KCTD15: variants seen among roughly 807,000 people sequenced by gnomAD.
KCTD15 encodes potassium channel tetramerization domain containing 15.
In KCTD15, 11 loss-of-function variants were observed where a neutral mutation model predicts 27.2. The ratio of observed to expected loss-of-function variants is 0.41; its 90% CI spans 0.25 to 0.67. The LOEUF is 0.67. KCTD15 is among the 30% of genes least tolerant of loss of function. The probability of loss-of-function intolerance (pLI) is 0.35; values close to 1 mark genes in which losing one functional copy is unlikely to be tolerated. For synonymous variants in KCTD15, 163 were observed against 176.0 expected, an observed-to-expected ratio of 0.93 and a Z score of 0.58; for missense variants, 350 against 409.3, an observed-to-expected ratio of 0.86 and a Z score of 1.25.
chr19:33,800,062 C>T (rs1177633822), intron 2 of KCTD15, among the ~76,000 whole-genome samples: 2 of 152,134 alleles, frequency 1.3e-5, no homozygotes, highest in Admixed American at 6.5e-5. Flanking sequence ...GGTAACATGG[C>T]TTGAAAGGAA....
chr19:33,813,486 G>A lies in KCTD15; in HGVS notation c.*538G>A, dbSNP rs981374214. ...AGCATGGCTGCAGGGTGGACCAGCTGCCTGGCATTCAGGCCCAGATGCCTG... is the reference window on the plus strand; with the variant it reads ...AGCATGGCTGCAGGGTGGACCAGCTACCTGGCATTCAGGCCCAGATGCCTG... On this transcript the variant is annotated 3_prime_UTR_variant, in exon 7 of 7. Coordinates refer to ENST00000683859, the MANE Select transcript of KCTD15 (RefSeq NM_001129994.2). The A allele has an allele frequency of 8.2e-5, 36 of 437,120 alleles. 2 individuals are homozygous for A. Among genetic ancestry groups the A allele is most frequent in the South Asian group, 5.9e-4 (36 of 60,764 alleles). 27.1% of individuals were successfully genotyped at this position (437,120 alleles called of 1,614,324 possible). A position where few individuals can be genotyped will look rare whatever the true frequency, so the allele number is the denominator to read the frequency against.
At chr19:33,800,803 T>C (rs1184907069) in intron 3 of KCTD15, among the ~76,000 whole-genome samples, 1 of 152,166 alleles carries the variant, frequency 6.6e-6, no homozygotes, top group Non-Finnish European at 1.5e-5. Flanking sequence ...ATTCACAAAT[T>C]GGTGATTCGT....
chr19:33,813,239 C>T lies in KCTD15; in HGVS notation c.*291C>T, dbSNP rs997723645. ...CCTGGCGCAGCATCCTCTGAGGCCC[C>T]GGGGCCTGTTGGGGCGGGGTTGGAA... On this transcript the variant is annotated 3_prime_UTR_variant, in exon 7 of 7. Coordinates refer to ENST00000683859, the MANE Select transcript of KCTD15 (RefSeq NM_001129994.2). The T allele has an allele frequency of 2.9e-5, 18 of 627,490 alleles. No homozygotes were observed. Among genetic ancestry groups the T allele is most frequent in the Middle Eastern group, 5.0e-4 (2 of 4,008 alleles). 38.9% of individuals were successfully genotyped at this position (627,490 alleles called of 1,614,324 possible).
At chr19:33,799,387 G>A (rs567671699) in intron 2 of KCTD15, among the ~76,000 whole-genome samples, 4 of 152,312 alleles carry the variant, frequency 2.6e-5, no homozygotes, top group East Asian at 3.9e-4. Flanking sequence ...TTAAACCTTC[G>A]AGAGACGTCC....
chr19:33,806,398 T>A (rs1020038206), intron 4 of KCTD15, among the ~76,000 whole-genome samples: 12 of 152,056 alleles, frequency 7.9e-5, no homozygotes, highest in African/African-American at 2.9e-4. Context: ...ATGGGTTGGG[T>A]GGGGAGGATG....
rs1444404522 is a variant in KCTD15, at chr19:33,807,060, A to T, written c.387+53A>T. ...CACTGCCTGTGTGATGGCATTACAC[A>T]GGGGACGCTGTGACTTAATAAGTGG... On this transcript the variant is annotated intron_variant, in intron 5 of 6. Transcript: ENST00000683859. 3 of 1,578,392 alleles carry T rather than the reference A, an allele frequency of 1.9e-6. No homozygotes were observed. The African/African-American group carries it at 4.1e-5, about 21-fold the overall frequency.
Position 33,812,969 on chromosome 19 carries a change from T to C in KCTD15, c.*21T>C. On this transcript the variant is annotated 3_prime_UTR_variant, in exon 7 of 7. Coordinates refer to ENST00000683859, the MANE Select transcript of KCTD15 (RefSeq NM_001129994.2). ...ACTAGGCCCTGCTTCAGTGCCCACCTGGGCCCCCCCAGGGACCTGGAAACA... is the reference window on the plus strand; with the variant it reads ...ACTAGGCCCTGCTTCAGTGCCCACCCGGGCCCCCCCAGGGACCTGGAAACA... 1.3e-6 allele frequency: 2 copies of C among 1,530,178 alleles called. No individual in the cohort carries two copies. The highest frequency in any genetic ancestry group is 1.8e-6 in the Non-Finnish European group (2 of 1,139,430). 94.8% of individuals were successfully genotyped at this position (1,530,178 alleles called of 1,614,324 possible). A position where few individuals can be genotyped will look rare whatever the true frequency, so the allele number is the denominator to read the frequency against.
rs1265568336 is a variant in KCTD15, at chr19:33,815,697, T to C, written c.*2749T>C. On this transcript the variant is annotated 3_prime_UTR_variant, in exon 7 of 7. Coordinates refer to ENST00000683859, the MANE Select transcript of KCTD15 (RefSeq NM_001129994.2). ...ATCTTTCAAAAAATGTGTCTTTTTT[T>C]TTTTTTTTTTTAAAGCTACTGCTTG... 1 of 151,966 alleles carries C rather than the reference T, an allele frequency of 6.6e-6. No individual in the cohort carries two copies. Among genetic ancestry groups the C allele is most frequent in the South Asian group, 2.1e-4 (1 of 4,814 alleles). The allele number at this position is 151,966 out of a possible 1,614,324, so 9.4% of individuals were successfully genotyped here. A position where few individuals can be genotyped will look rare whatever the true frequency, so the allele number is the denominator to read the frequency against.
At chr19:33,808,207 C>A (rs1975773743) in intron 5 of KCTD15, among the ~76,000 whole-genome samples, 1 of 152,204 alleles carries the variant, frequency 6.6e-6, no homozygotes, top group South Asian at 2.1e-4. Context: ...TCCTTCATTC[C>A]TTCCTCTATC....
chr19:33,797,666 C>T (rs1447827033), intron 1 of KCTD15, among the ~76,000 whole-genome samples: 3 of 151,274 alleles, frequency 2.0e-5, no homozygotes, highest in East Asian at 3.9e-4. Flanking sequence ...CAAACACACC[C>T]GGGGGCGGAC....
chr19:33,795,558 G>A (rs888291285), upstream of KCTD15, among the ~76,000 whole-genome samples: 6 of 151,966 alleles, frequency 3.9e-5, no homozygotes, highest in African/African-American at 1.4e-4. Context: ...CCGGTCTCCG[G>A]CCCGGGCGTC....
chr19:33,804,576 A>T (rs1975657630), intron 4 of KCTD15, among the ~76,000 whole-genome samples: 1 of 152,186 alleles, frequency 6.6e-6, no homozygotes, highest in Non-Finnish European at 1.5e-5. Flanking sequence ...GGTGCCACAC[A>T]TGGACCTCAG....
At position 33,812,973 on chromosome 19, in the gene KCTD15, C is replaced by T. The variant is rs1460505872; in HGVS notation, c.*25C>T. 9 of 1,518,450 alleles carry T rather than the reference C, an allele frequency of 5.9e-6. No individual in the cohort carries two copies. The highest frequency in any genetic ancestry group is 2.5e-5 in the East Asian group (1 of 40,664). The allele number at this position is 1,518,450 out of a possible 1,614,324, so 94.1% of individuals were successfully genotyped here. A position where few individuals can be genotyped will look rare whatever the true frequency, so the allele number is the denominator to read the frequency against. On this transcript the variant is annotated 3_prime_UTR_variant, in exon 7 of 7. Coordinates refer to ENST00000683859, the MANE Select transcript of KCTD15 (RefSeq NM_001129994.2). ...GGCCCTGCTTCAGTGCCCACCTGGG[C>T]CCCCCCAGGGACCTGGAAACAGTGC...
At chr19:33,806,192 C>T (rs1215216748) in intron 4 of KCTD15, among the ~76,000 whole-genome samples, 1 of 152,216 alleles carries the variant, frequency 6.6e-6, no homozygotes, top group Non-Finnish European at 1.5e-5. Context: ...CTGTCTGCCT[C>T]TGTTTCTCCC....
rs969215971 is a variant in KCTD15 at position 33,797,920 on chromosome 19, C to T, written c.-126-748C>T. Among the ~76,000 whole-genome samples, 3 of 152,204 alleles carry T rather than the reference C, an allele frequency of 2.0e-5. No individual in the cohort carries two copies. The South Asian group carries it at 6.2e-4, about 31-fold the overall frequency. ...ATCTGTGGTCTCCAAGTGTCTGCCT[C>T]TTGATTTAACTTTGTCCCCGCCCCG... On this transcript the variant is annotated intron_variant, in intron 1 of 6. Transcript: ENST00000683859.
chr19:33,812,892 C>G lies in KCTD15; in HGVS notation c.796C>G (p.Arg266Gly). Residue 266 changes from arginine to glycine, a missense_variant, in exon 7 of 7, where the codon CGG becomes GGG. By Grantham distance (125) the Arg-to-Gly change is moderately radical (BLOSUM62 -2). Around this residue, in one of 3 missense-constraint regions of KCTD15, gnomAD observed 219 missense variants for 234.9 expected, o/e 0.93. Transcript: ENST00000683859. ...FSEYVLCREE[R>G]RPQPTPTAVR... Reference sequence around the variant, plus strand: ...CGAGTATGTGCTTTGCCGGGAGGAGCGGCGGCCGCAGCCCACCCCCACTGC... The same window carrying G: ...CGAGTATGTGCTTTGCCGGGAGGAGGGGCGGCCGCAGCCCACCCCCACTGC... 6.5e-7 allele frequency: 1 copy of G among 1,549,934 alleles called. No homozygotes were observed. Among genetic ancestry groups the G allele is most frequent in the Non-Finnish European group, 8.7e-7 (1 of 1,146,496 alleles).
chr19:33,800,396 G>A, intron 2 of KCTD15, 32 bp from the exon 3 acceptor site: 4 of 1,508,176 alleles, frequency 2.7e-6, no homozygotes, highest in Non-Finnish European at 3.6e-6. Context: ...GGAGGAATAA[G>A]CCTTCTCTGG....
At chr19:33,807,062 G>A in intron 5 of KCTD15, 55 bp downstream of exon 5, 1 of 1,564,096 alleles carries the variant, frequency 6.4e-7, no homozygotes, top group South Asian at 1.2e-5. Context: ...CATTACACAG[G>A]GGACGCTGTG....
upstream of KCTD15, among the ~76,000 whole-genome samples, chr19:33,795,085 A>C (rs1975275632): frequency 6.6e-6 from 1 of 152,242 alleles, no homozygotes; most frequent in African/African-American, 2.4e-5. Context: ...CCATAAATTA[A>C]GGAAATTAAC....
Sources: gnomAD v4.1 joint callset for allele counts (sites outside exome capture counted in the v4.1 genomes callset) on GRCh38, gnomAD v4.1.1 for gene constraint, gnomAD v4.1.1 regional missense constraint, MANE v1.5 for transcripts, NCBI Gene and HGNC (gene_info 2026-07-23, HGNC 2026-07-21) for gene names.